The following MARCHF1 variants were observed in gnomAD, a reference collection of about 807,000 sequenced individuals.
MARCHF1 encodes the protein E3 ubiquitin-protein ligase MARCHF1.
In MARCHF1, 40 loss-of-function variants were observed where a neutral mutation model predicts 54.2. The observed-to-expected ratio is 0.74, with a 90% CI of 0.57 to 0.96. MARCHF1 has a LOEUF of 0.96. MARCHF1 is among the 40% of genes least tolerant of loss of function. MARCHF1 has a pLI of 0.00. For missense variants in MARCHF1, 586 were observed against 656.5 expected, an observed-to-expected ratio of 0.89 and a Z score of 1.17; for synonymous variants, 236 against 236.3, an observed-to-expected ratio of 1.00 and a Z score of 0.01.
At chr4:164,139,192 A>C (rs1482644965) in intron 1 of MARCHF1, among the ~76,000 whole-genome samples, 1 of 152,164 alleles carries the variant, frequency 6.6e-6, no homozygotes, top group Non-Finnish European at 1.5e-5. Flanking sequence ...ATATGTAATA[A>C]TAAACACACA....
intron 5 of MARCHF1, among the ~76,000 whole-genome samples, chr4:163,629,601 TATC>T (rs1741999121): frequency 6.6e-6 from 1 of 152,074 alleles, no homozygotes; most frequent in African/African-American, 2.4e-5. Flanking sequence ...CAAAAGAAAC[TATC>T]ATCAGAGTGA....
chr4:164,370,651 G>C (rs902934876), intron 1 of MARCHF1, among the ~76,000 whole-genome samples: 1 of 152,216 alleles, frequency 6.6e-6, no homozygotes, highest in Non-Finnish European at 1.5e-5. Flanking sequence ...GCTCATGCCT[G>C]TAATCCCAGC....
At chr4:164,329,634 A>G (rs1735373949) in intron 1 of MARCHF1, among the ~76,000 whole-genome samples, 1 of 152,248 alleles carries the variant, frequency 6.6e-6, no homozygotes, top group African/African-American at 2.4e-5. Context: ...CAGGAAGCAC[A>G]GCAGCATCTG....
chr4:164,201,209 G>GTT (rs1464338852), intron 1 of MARCHF1, among the ~76,000 whole-genome samples: 9 of 8,340 alleles, frequency 1.1e-3, no homozygotes, highest in African/African-American at 2.2e-3. Flanking sequence ...GTTTTACATG[G>GTT]TTTTGTTTTG....
intron 1 of MARCHF1, among the ~76,000 whole-genome samples, chr4:164,372,992 T>G (rs1444775846): frequency 6.6e-6 from 1 of 152,190 alleles, no homozygotes; most frequent in East Asian, 1.9e-4. Context: ...AACTAAAATC[T>G]TAAAATGTAT....
chr4:163,663,190 G>GCTTA (rs931938449), intron 5 of MARCHF1, among the ~76,000 whole-genome samples: 2 of 150,918 alleles, frequency 1.3e-5, no homozygotes, highest in Admixed American at 6.6e-5. Context: ...CCTAGTGGAT[G>GCTTA]CTTACACAGA....
intron 3 of MARCHF1, among the ~76,000 whole-genome samples, chr4:163,971,111 G>T (rs1318745058): frequency 6.6e-6 from 1 of 152,032 alleles, no homozygotes; most frequent in Non-Finnish European, 1.5e-5. Flanking sequence ...ACCAAGAAGA[G>T]AAACAAAACA....
At chr4:163,558,912 C>A (rs1166972615) in intron 8 of MARCHF1, among the ~76,000 whole-genome samples, 1 of 152,098 alleles carries the variant, frequency 6.6e-6, no homozygotes, top group Non-Finnish European at 1.5e-5. Context: ...AGATAAACTC[C>A]CTTAACTTCC....
rs139556706 is a variant in MARCHF1 at position 164,197,932 on chromosome 4, T to C, written c.-322-86270A>G. On this transcript the variant is annotated intron_variant, in intron 1 of 9. Transcript: ENST00000514618. ...TGGATCTTCCTAGTAAGAAGGTAGG[T>C]GTGTGTGACTAAAGAAAATCTTATC... Among the ~76,000 whole-genome samples, 200 of 152,224 alleles carry C rather than the reference T, an allele frequency of 1.3e-3. 1 individual carries two copies. Among genetic ancestry groups the C allele is most frequent in the African/African-American group, 4.2e-3 (174 of 41,558 alleles).
intron 3 of MARCHF1, among the ~76,000 whole-genome samples, chr4:163,960,163 T>C (rs964098649): frequency 1.3e-5 from 2 of 152,020 alleles, no homozygotes; most frequent in Admixed American, 1.3e-4. Context: ...CGACAGATGC[T>C]GGTGAGATTG....
At chr4:163,620,594 CACACACACACACAGAGAGAGAGAG>C (rs1255176368) in intron 5 of MARCHF1, among the ~76,000 whole-genome samples, 20 of 92,908 alleles carry the variant, frequency 2.2e-4, no homozygotes, top group African/African-American at 9.7e-4. Context: ...CACACACACA[CACACACACACACAGAGAGAGAGAG>C]AGAGAGAGAG....
At chr4:163,539,460 T>G (rs1375881128) in intron 9 of MARCHF1, among the ~76,000 whole-genome samples, 1 of 152,148 alleles carries the variant, frequency 6.6e-6, no homozygotes, top group Non-Finnish European at 1.5e-5. Context: ...TAAATATAAG[T>G]TTTCATTATT....
intron 3 of MARCHF1, among the ~76,000 whole-genome samples, chr4:163,946,375 A>G (rs1306627256): frequency 1.3e-5 from 2 of 152,086 alleles, no homozygotes; most frequent in African/African-American, 4.8e-5. Flanking sequence ...ATCCTTCCAA[A>G]ATAGATCCCA....
chr4:163,545,325 C>T (rs370586136), intron 9 of MARCHF1, among the ~76,000 whole-genome samples: 4 of 152,254 alleles, frequency 2.6e-5, no homozygotes, highest in East Asian at 1.9e-4. Context: ...CCAAAAAGCC[C>T]GAAGTGGTGT....
intron 4 of MARCHF1, among the ~76,000 whole-genome samples, chr4:163,848,259 T>A (rs937698103): frequency 6.6e-6 from 1 of 152,186 alleles, no homozygotes; most frequent in African/African-American, 2.4e-5. Flanking sequence ...TGGAATATAA[T>A]ACACAGGCAA....
chr4:163,910,792 C>T (rs1190425372), intron 3 of MARCHF1, among the ~76,000 whole-genome samples: 1 of 152,174 alleles, frequency 6.6e-6, no homozygotes, highest in East Asian at 1.9e-4. Flanking sequence ...CCACCACGCC[C>T]AGCCCAAATA....
chr4:163,812,473 A>C (rs1332769149), intron 4 of MARCHF1, among the ~76,000 whole-genome samples: 1 of 152,136 alleles, frequency 6.6e-6, no homozygotes, highest in Non-Finnish European at 1.5e-5. Context: ...AACTTTTGAA[A>C]CCAACGAGGC....
intron 1 of MARCHF1, among the ~76,000 whole-genome samples, chr4:164,311,431 T>G (rs920660891): frequency 2.6e-5 from 4 of 152,172 alleles, no homozygotes; most frequent in African/African-American, 9.6e-5. Flanking sequence ...CTATGCAAAT[T>G]TTAAGGAAAC....
chr4:164,174,648 A>G (rs976507974), intron 1 of MARCHF1, among the ~76,000 whole-genome samples: 4 of 152,166 alleles, frequency 2.6e-5, no homozygotes, highest in Middle Eastern at 3.2e-3. Context: ...TTAAGCTTAT[A>G]GGGATTCATT....
Sources: allele counts gnomAD v4.1 joint callset (sites outside exome capture counted in the v4.1 genomes callset), GRCh38; gene constraint gnomAD v4.1.1; transcripts MANE v1.5; gene names NCBI Gene and HGNC (gene_info 2026-07-23, HGNC 2026-07-21).